The following TP63 variants were observed in gnomAD, a reference collection of about 807,000 sequenced individuals.
TP63 encodes the protein tumor protein p63.
Under a neutral mutation model 82.8 loss-of-function variants are expected in TP63, and 17 were observed. That is an observed-to-expected ratio of 0.21 (90% confidence interval 0.14 to 0.31). The LOEUF (loss-of-function observed/expected upper bound fraction) is 0.31. Ranked by LOEUF, TP63 falls within the 10% of genes least tolerant of loss-of-function variation. The probability of loss-of-function intolerance (pLI) is 1.00; values close to 1 mark genes in which losing one functional copy is unlikely to be tolerated. For missense variants in TP63, 648 were observed against 895.3 expected (o/e 0.72, Z 3.52); for synonymous variants, 330 against 321.7 (o/e 1.03, Z -0.28).
chr3:189,869,304 T>C lies in TP63; in HGVS notation c.1130-20T>C. On this transcript the variant is annotated intron_variant, in intron 8 of 13. Coordinates refer to ENST00000264731, the MANE Select transcript of TP63 (RefSeq NM_003722.5). ...TTTAGAAGTGTTCCCAGGATGAAACTTGCATTTTTCCTCCACCAGCGTTTC... is the reference window on the plus strand; with the variant it reads ...TTTAGAAGTGTTCCCAGGATGAAACCTGCATTTTTCCTCCACCAGCGTTTC... 6.2e-7 allele frequency: 1 copy of C among 1,609,712 alleles called. No individual in the cohort carries two copies. The highest frequency in any genetic ancestry group is 2.2e-5 in the East Asian group (1 of 44,846).
chr3:189,777,845 C>CTT (rs55731981), intron 3 of TP63, among the ~76,000 whole-genome samples: 745 of 37,770 alleles, frequency 0.02, 33 homozygotes, highest in African/African-American at 0.033. Context: ...TCTTCTTCTT[C>CTT]TTTTTTTTTT....
At chr3:189,719,474 C>T (rs1239106449) in intron 1 of TP63, among the ~76,000 whole-genome samples, 1 of 152,114 alleles carries the variant, frequency 6.6e-6, no homozygotes, top group Non-Finnish European at 1.5e-5. Flanking sequence ...TTCTACCTGA[C>T]CAATCAACAC....
intron 3 of TP63, among the ~76,000 whole-genome samples, chr3:189,793,285 T>G (rs938238348): frequency 7.9e-5 from 12 of 152,184 alleles, no homozygotes; most frequent in African/African-American, 2.9e-4. Flanking sequence ...AAACCGTGTT[T>G]GGTTTGGTTT....
chr3:189,656,900 C>T (rs1352494578), intron 1 of TP63, among the ~76,000 whole-genome samples: 1 of 150,554 alleles, frequency 6.6e-6, no homozygotes, highest in Non-Finnish European at 1.5e-5. Context: ...GAAATTTTAA[C>T]ACCAAAAATT....
At chr3:189,736,450 A>G (rs1296273579) in intron 1 of TP63, among the ~76,000 whole-genome samples, 1 of 152,012 alleles carries the variant, frequency 6.6e-6, no homozygotes, top group African/African-American at 2.4e-5. Context: ...TGACCTTCCT[A>G]ATTTTCATCA....
Position 189,895,476 on chromosome 3 carries a change from C to T in TP63, c.*974C>T, listed in dbSNP as rs991834960. The T allele has an allele frequency of 5.5e-5, 12 of 219,242 alleles. No individual in the cohort carries two copies. The highest frequency in any genetic ancestry group is 2.7e-4 in the African/African-American group (12 of 44,576). 13.6% of individuals were successfully genotyped at this position (219,242 alleles called of 1,614,324 possible). On this transcript the variant is annotated 3_prime_UTR_variant, in exon 14 of 14. Coordinates refer to ENST00000264731, the MANE Select transcript of TP63 (RefSeq NM_003722.5). ...ACTACTAGATTGACTAACTCAAATA[C>T]ACATTTGCTACTGTTGTAAGAATTC...
At chr3:189,631,362 G>GTA (rs111798102), upstream of TP63, 897 of 1,499,676 alleles carry the variant, frequency 6.0e-4, 4 homozygotes, top group Middle Eastern at 8.9e-3. Flanking sequence ...TTGCAAATAT[G>GTA]TATGAAGGAG....
intron 3 of TP63, among the ~76,000 whole-genome samples, chr3:189,756,617 T>A (rs1239996005): frequency 6.6e-6 from 1 of 152,196 alleles, no homozygotes; most frequent in Non-Finnish European, 1.5e-5. Context: ...CTGTTTGCCT[T>A]TTGCTTTGGT....
chr3:189,661,213 G>T (rs544417838), intron 1 of TP63, among the ~76,000 whole-genome samples: 32 of 151,934 alleles, frequency 2.1e-4, no homozygotes, highest in African/African-American at 7.7e-4. Context: ...TAGGTTTGCC[G>T]TAGATCACTC....
intron 4 of TP63, among the ~76,000 whole-genome samples, chr3:189,812,537 AG>A (rs1335886986): frequency 2.6e-5 from 4 of 152,214 alleles, no homozygotes; most frequent in African/African-American, 9.6e-5. Flanking sequence ...GGTAGTGTGG[AG>A]ATGGCAAGAA....
chr3:189,636,539 A>T (rs1729794211), intron 1 of TP63, among the ~76,000 whole-genome samples: 1 of 152,144 alleles, frequency 6.6e-6, no homozygotes, highest in African/African-American at 2.4e-5. Context: ...AACCGTATGT[A>T]ACTAACGAAA....
At chr3:189,666,671 AT>A (rs1197817065) in intron 1 of TP63, among the ~76,000 whole-genome samples, 8 of 152,270 alleles carry the variant, frequency 5.3e-5, no homozygotes, top group Admixed American at 2.6e-4. Context: ...ATGGCAGTTG[AT>A]TTACCTTGTG....
intron 1 of TP63, among the ~76,000 whole-genome samples, chr3:189,691,195 C>A (rs555101565): frequency 6.6e-6 from 1 of 151,278 alleles, no homozygotes; most frequent in Non-Finnish European, 1.5e-5. Flanking sequence ...AAAAATTAGC[C>A]GGGCGTGGTG....
chr3:189,739,527 C>T (rs1452850288), intron 3 of TP63, among the ~76,000 whole-genome samples: 1 of 152,132 alleles, frequency 6.6e-6, no homozygotes, highest in Non-Finnish European at 1.5e-5. Context: ...ATTCTATGTG[C>T]ATATGCAGGT....
At chr3:189,777,704 T>C (rs1723905150) in intron 3 of TP63, among the ~76,000 whole-genome samples, 1 of 151,844 alleles carries the variant, frequency 6.6e-6, no homozygotes, top group Non-Finnish European at 1.5e-5. Flanking sequence ...ACTTACTTAG[T>C]CTTCACTTTA....
At chr3:189,657,506 C>G (rs113168912) in intron 1 of TP63, among the ~76,000 whole-genome samples, 94 of 152,154 alleles carry the variant, frequency 6.2e-4, no homozygotes, top group African/African-American at 2.1e-3. Flanking sequence ...GACAAAAGAA[C>G]TAGACATAAA....
the TP63 span, among the ~76,000 whole-genome samples, chr3:189,601,977 C>T: frequency 6.6e-6 from 1 of 152,188 alleles, no homozygotes; most frequent in Admixed American, 6.5e-5. Flanking sequence ...TTAAACAACA[C>T]TCTCAAATGA....
rs151313009 is a variant in TP63, at chr3:189,847,175, T to C, written c.580-17057T>C. On this transcript the variant is annotated intron_variant, in intron 4 of 13. Transcript: ENST00000264731. ...GAGTTTGAGACCAGCCTGGTCAACA[T>C]GGTGAAACCCCGTCTTTACCCAAAA... Among the ~76,000 whole-genome samples the C allele has an allele frequency of 4.9e-3, 749 of 151,950 alleles. 7 individuals are homozygous for C. The highest frequency in any genetic ancestry group is 0.017 in the African/African-American group (714 of 41,474).
chr3:189,775,740 T>C (rs1723745111), intron 3 of TP63, among the ~76,000 whole-genome samples: 2 of 152,210 alleles, frequency 1.3e-5, no homozygotes, highest in Non-Finnish European at 2.9e-5. Context: ...AAACAGAGGT[T>C]ACCTTTTACT....
Sources: allele counts gnomAD v4.1 joint callset (sites outside exome capture counted in the v4.1 genomes callset), GRCh38; gene constraint gnomAD v4.1.1; transcripts MANE v1.5; gene names NCBI Gene and HGNC (gene_info 2026-07-23, HGNC 2026-07-21).